The following VPS53 variants were observed in gnomAD, a reference collection of about 807,000 sequenced individuals.
VPS53 encodes the protein VPS53 subunit of GARP complex.
Under a neutral mutation model 107.0 loss-of-function variants are expected in VPS53, and 70 were observed. The observed-to-expected ratio is 0.65, with a 90% CI of 0.54 to 0.80. The LOEUF is 0.80. Ranked by LOEUF, VPS53 falls within the 30% of genes least tolerant of loss-of-function variation. The pLI is 0.00. For missense variants in VPS53, 917 were observed against 1,049.4 expected, an observed-to-expected ratio of 0.87 and a Z score of 1.74; for synonymous variants, 409 against 393.3, an observed-to-expected ratio of 1.04 and a Z score of -0.47.
intron 7 of VPS53, among the ~76,000 whole-genome samples, chr17:644,847 G>C (rs1334229774): frequency 1.3e-5 from 2 of 152,208 alleles, no homozygotes; most frequent in Non-Finnish European, 2.9e-5. Flanking sequence ...GCCTACCAAA[G>C]TGCTGGGACT....
intron 11 of VPS53, among the ~76,000 whole-genome samples, chr17:608,348 C>T (rs1234955472): frequency 6.6e-6 from 1 of 152,158 alleles, no homozygotes; most frequent in Non-Finnish European, 1.5e-5. Context: ...TGGGTAAATG[C>T]TGATCAGATG....
At chr17:669,339 T>A (rs1971837508) in intron 4 of VPS53, among the ~76,000 whole-genome samples, 1 of 151,994 alleles carries the variant, frequency 6.6e-6, no homozygotes, top group Non-Finnish European at 1.5e-5. Context: ...ACACCTATAA[T>A]CCCAGCACGC....
chr17:519,715 G>A lies in VPS53; in HGVS notation c.2328+111C>T. On this transcript the variant is annotated intron_variant, in intron 21 of 21. Coordinates refer to ENST00000437048, the MANE Select transcript of VPS53 (RefSeq NM_001128159.3). This position sits in a 1 kb window ranked among gnomAD's most constrained non-coding sequence, Gnocchi z 5.0. ...GAATCCGGTTTGCTCTGTGGAGCCA[G>A]GCACATGCATTTTGAGAAAGCCCCC... is the stretch of plus-strand genomic sequence containing the variant. 1 of 825,484 alleles carries A rather than the reference G, an allele frequency of 1.2e-6. No individual in the cohort carries two copies. The highest frequency in any genetic ancestry group is 1.7e-5 in the South Asian group (1 of 60,282). The allele number at this position is 825,484 out of a possible 1,614,324, so 51.1% of individuals were successfully genotyped here.
intron 17 of VPS53, among the ~76,000 whole-genome samples, chr17:546,059 G>A (rs1014592917): frequency 9.2e-5 from 14 of 152,088 alleles, no homozygotes; most frequent in Non-Finnish European, 1.8e-4. Context: ...ACACATCTAT[G>A]GTTAACTGAT....
intron 19 of VPS53, among the ~76,000 whole-genome samples, chr17:528,666 T>C (rs578162345): frequency 6.7e-6 from 1 of 149,050 alleles, no homozygotes; most frequent in South Asian, 2.1e-4. Context: ...TGGCGCAATC[T>C]TGGCTCACTG....
At chr17:697,587 T>C in intron 3 of VPS53, 103 bp from the exon 4 acceptor site, 1 of 907,072 alleles carries the variant, frequency 1.1e-6, no homozygotes, top group Non-Finnish European at 1.7e-6. Context: ...TTCTGCAGAC[T>C]GCACCTAATT....
intron 7 of VPS53, among the ~76,000 whole-genome samples, chr17:652,215 G>A (rs1461820873): frequency 3.9e-5 from 6 of 152,092 alleles, no homozygotes; most frequent in Non-Finnish European, 1.5e-5. Flanking sequence ...GGCTGGCCTC[G>A]AACTCCTGAC....
chr17:661,684 G>T, intron 5 of VPS53, 125 bp downstream of exon 5: 2 of 856,376 alleles, frequency 2.3e-6, no homozygotes, highest in Non-Finnish European at 1.8e-6. Flanking sequence ...GCTTGCTTTA[G>T]AGATGCAGAT....
At position 512,693 on chromosome 17, in the gene VPS53, T is replaced by C. The variant is rs890877586; in HGVS notation, c.*6435A>G. ...CCTAATGGAAGGGCCGCAGCCAGTTTTCCCCTGTTGAAAGGACACAGGACT... is the reference window on the plus strand; with the variant it reads ...CCTAATGGAAGGGCCGCAGCCAGTTCTCCCCTGTTGAAAGGACACAGGACT... On this transcript the variant is annotated 3_prime_UTR_variant, in exon 22 of 22. Coordinates refer to ENST00000437048, the MANE Select transcript of VPS53 (RefSeq NM_001128159.3). 1.3e-5 allele frequency: 2 copies of C among 152,222 alleles called. No homozygotes were observed. The highest frequency in any genetic ancestry group is 2.9e-5 in the Non-Finnish European group (2 of 68,048). 9.4% of individuals were successfully genotyped at this position (152,222 alleles called of 1,614,324 possible).
chr17:691,061 G>A (rs1434347389), intron 4 of VPS53, among the ~76,000 whole-genome samples: 1 of 152,200 alleles, frequency 6.6e-6, no homozygotes, highest in East Asian at 1.9e-4. Context: ...CACATTTTAA[G>A]AGGGATGCTG....
At chr17:664,913 T>A (rs865702) in intron 4 of VPS53, among the ~76,000 whole-genome samples, 88,554 of 151,990 alleles carry the variant, frequency 0.58, 28,141 homozygotes, top group East Asian at 0.71. Context: ...GGGTTCACTG[T>A]CTGAACCAGG....
intron 7 of VPS53, among the ~76,000 whole-genome samples, chr17:638,112 A>G (rs923534622): frequency 3.3e-5 from 5 of 152,212 alleles, no homozygotes; most frequent in African/African-American, 4.8e-5. Flanking sequence ...TATTGGGTGC[A>G]TATATATTTA....
intron 2 of VPS53, among the ~76,000 whole-genome samples, chr17:708,880 ACT>A (rs1466409444): frequency 2.0e-5 from 3 of 152,154 alleles, no homozygotes; most frequent in Non-Finnish European, 2.9e-5. Flanking sequence ...TTCTATTATA[ACT>A]CTACTTATTT....
chr17:672,359 T>C (rs1971999773), intron 4 of VPS53, among the ~76,000 whole-genome samples: 1 of 152,146 alleles, frequency 6.6e-6, no homozygotes, highest in Non-Finnish European at 1.5e-5. Flanking sequence ...CCCGTTTGAA[T>C]TGGGATTTTT....
chr17:665,004 A>G (rs1250002164), intron 4 of VPS53, among the ~76,000 whole-genome samples: 1 of 152,064 alleles, frequency 6.6e-6, no homozygotes, highest in Non-Finnish European at 1.5e-5. Flanking sequence ...CATCTGCAAT[A>G]CGTTACGGGT....
intron 18 of VPS53, among the ~76,000 whole-genome samples, chr17:534,094 C>A (rs907657729): frequency 1.3e-4 from 20 of 152,228 alleles, no homozygotes; most frequent in Non-Finnish European, 2.9e-5. Flanking sequence ...CTTGCCTCGG[C>A]CCCACAAAGC....
chr17:592,226 G>A (rs1409443623), intron 12 of VPS53, among the ~76,000 whole-genome samples: 2 of 151,682 alleles, frequency 1.3e-5, no homozygotes, highest in Non-Finnish European at 2.9e-5. Flanking sequence ...GCCTTTTTTT[G>A]TTTTCCATTT....
At chr17:595,908 G>C (rs1220052992) in intron 12 of VPS53, among the ~76,000 whole-genome samples, 6 of 131,652 alleles carry the variant, frequency 4.6e-5, no homozygotes, top group Non-Finnish European at 7.9e-5. Flanking sequence ...CCTGGAGGAA[G>C]CTGGGAGATG....
chr17:672,139 C>CACACAT (rs1555578506), intron 4 of VPS53, among the ~76,000 whole-genome samples: 1 of 149,380 alleles, frequency 6.7e-6, no homozygotes, highest in Non-Finnish European at 1.5e-5. Context: ...CACACACACA[C>CACACAT]ACACACACAC....
Sources: allele counts gnomAD v4.1 joint callset (sites outside exome capture counted in the v4.1 genomes callset), GRCh38; gene constraint gnomAD v4.1.1; non-coding constraint Gnocchi (gnomAD v3.1); transcripts MANE v1.5; gene names NCBI Gene and HGNC (gene_info 2026-07-23, HGNC 2026-07-21).